The following MUC7 variants were observed in gnomAD, a reference collection of about 807,000 sequenced individuals.
The protein encoded by MUC7 is mucin-7.
Under a neutral mutation model 2.5 loss-of-function variants are expected in MUC7, and 2 were observed. That is an observed-to-expected ratio of 0.81 (90% CI 0.33 to 2.55). The LOEUF is 2.55. Ranked by LOEUF, MUC7 falls within the 30% of genes most tolerant of loss-of-function variation. The pLI is 0.11. For synonymous variants in MUC7, 133 were observed against 173.4 expected, an observed-to-expected ratio of 0.77 and a Z score of 1.83; for missense variants, 408 against 455.6, an observed-to-expected ratio of 0.90 and a Z score of 0.95.
chr4:70,470,037 A>T (rs571038476), upstream of MUC7, among the ~76,000 whole-genome samples: 1 of 152,378 alleles, frequency 6.6e-6, no homozygotes, highest in South Asian at 2.1e-4. Flanking sequence ...GACTGGATAA[A>T]GAAAATGTGG....
chr4:70,436,772 G>A (rs1275754951), intron 1 of MUC7, among the ~76,000 whole-genome samples: 1 of 152,146 alleles, frequency 6.6e-6, no homozygotes, highest in Non-Finnish European at 1.5e-5. Context: ...TGGAGGAAAA[G>A]AGGCGTTTTG....
At chr4:70,449,750 G>C (rs950706783) in intron 1 of MUC7, among the ~76,000 whole-genome samples, 2 of 152,146 alleles carry the variant, frequency 1.3e-5, no homozygotes, top group African/African-American at 2.4e-5. Context: ...GAATTCTCTG[G>C]ATTACCAGGC....
rs572677610 is a variant in MUC7, at chr4:70,476,495, G to C, written c.54+2420G>C. Among the ~76,000 whole-genome samples, 5 of 152,304 alleles carry C rather than the reference G, an allele frequency of 3.3e-5. No individual in the cohort carries two copies. The South Asian group carries it at 1.0e-3, about 32-fold the overall frequency. On this transcript the variant is annotated intron_variant, in intron 2 of 2. Coordinates refer to ENST00000304887, the MANE Select transcript of MUC7 (RefSeq NM_152291.3). ...TCAAAAAAGTGCCTGGTGAGAGAAA[G>C]AGTTTCCAAAGAACTTGAATATGAG...
chr4:70,437,502 C>A (rs1560544130), intron 1 of MUC7, among the ~76,000 whole-genome samples: 1 of 152,210 alleles, frequency 6.6e-6, no homozygotes, highest in Admixed American at 6.5e-5. Context: ...GCAAGCAAGG[C>A]TCCATGGGCG....
chr4:70,432,959 T>C lies in MUC7; in HGVS notation c.-93+2272T>C, dbSNP rs187739982. ...AGCTTTCTACATATGGCTAGCCAGT[T>C]TTCCCGACACCACTTATTACATAGG... On this transcript the variant is annotated intron_variant, in intron 1 of 3. Transcript: ENST00000413702. Among the ~76,000 whole-genome samples, 3 of 152,362 alleles carry C rather than the reference T, an allele frequency of 2.0e-5. No homozygotes were observed. In the East Asian group the frequency reaches 5.8e-4, roughly 29 times the overall value.
At chr4:70,451,213 T>C (rs1734271752) in intron 1 of MUC7, among the ~76,000 whole-genome samples, 2 of 152,202 alleles carry the variant, frequency 1.3e-5, no homozygotes, top group Non-Finnish European at 1.5e-5. Flanking sequence ...CTAGTTTTTC[T>C]TTCTGCTCTA....
intron 1 of MUC7, among the ~76,000 whole-genome samples, chr4:70,459,034 AGC>A (rs1734481258): frequency 2.0e-5 from 3 of 152,172 alleles, no homozygotes; most frequent in Non-Finnish European, 4.4e-5. Flanking sequence ...TGAAATATAA[AGC>A]AGTATTATAA....
chr4:70,465,039 T>A (rs1275664678), intron 1 of MUC7, among the ~76,000 whole-genome samples: 2 of 152,186 alleles, frequency 1.3e-5, no homozygotes, highest in Non-Finnish European at 1.5e-5. Context: ...GGGATGAAGC[T>A]TCCAGATGAA....
At chr4:70,463,121 C>A (rs1333634010) in intron 1 of MUC7, among the ~76,000 whole-genome samples, 3 of 152,138 alleles carry the variant, frequency 2.0e-5, no homozygotes, top group Non-Finnish European at 4.4e-5. Flanking sequence ...TAGACCCTCT[C>A]TCTGCAAAGA....
intron 1 of MUC7, among the ~76,000 whole-genome samples, chr4:70,440,931 T>A (rs1247474102): frequency 6.6e-6 from 1 of 152,006 alleles, no homozygotes; most frequent in Non-Finnish European, 1.5e-5. Context: ...ACATAAACAG[T>A]GGGCCCAGGA....
chr4:70,480,770 A>T (rs1395314046), intron 2 of MUC7, 29 bp from the exon 3 acceptor site: 18 of 1,593,958 alleles, frequency 1.1e-5, no homozygotes, highest in Admixed American at 1.1e-4. Context: ...TACTTTTTTC[A>T]TTTCTTACAT....
chr4:70,438,038 G>A (rs919465322), intron 1 of MUC7, among the ~76,000 whole-genome samples: 49 of 152,148 alleles, frequency 3.2e-4, no homozygotes, highest in African/African-American at 1.2e-3. Flanking sequence ...TCCAGGCCTG[G>A]TTGTTTTTGA....
chr4:70,472,746 A>G (rs750609356), intron 1 of MUC7, among the ~76,000 whole-genome samples: 1 of 152,200 alleles, frequency 6.6e-6, no homozygotes, highest in African/African-American at 2.4e-5. Context: ...GTCACACAGT[A>G]AGTGGGCAGA....
At chr4:70,435,653 T>C (rs565866878) in intron 1 of MUC7, among the ~76,000 whole-genome samples, 3 of 114,774 alleles carry the variant, frequency 2.6e-5, no homozygotes, top group Non-Finnish European at 3.6e-5. Flanking sequence ...TGACTCTTTA[T>C]CCCATTTGCC....
chr4:70,455,238 G>T (rs1021052590), intron 1 of MUC7, among the ~76,000 whole-genome samples: 5 of 152,270 alleles, frequency 3.3e-5, no homozygotes, highest in African/African-American at 4.8e-5. Context: ...ACAGCAAAAA[G>T]TACAAAGGTA....
chr4:70,474,347 A>C (rs1374457136), intron 2 of MUC7, among the ~76,000 whole-genome samples: 1 of 151,768 alleles, frequency 6.6e-6, no homozygotes, highest in African/African-American at 2.4e-5. Context: ...GTATCTCCAC[A>C]ACAACAACAA....
At chr4:70,470,693 A>G (rs529838595), upstream of MUC7, among the ~76,000 whole-genome samples, 1 of 152,332 alleles carries the variant, frequency 6.6e-6, no homozygotes, top group South Asian at 2.1e-4. Flanking sequence ...GCTTGTTCAG[A>G]TCAATAAAAA....
In MUC7 at chr4:70,450,943, C is replaced by T. The variant is rs377468435; in HGVS notation, c.-93+20256C>T. 8.5e-4 allele frequency among the ~76,000 whole-genome samples: 130 copies of T among 152,254 alleles called. 2 individuals are homozygous for T. The highest frequency in any genetic ancestry group is 3.0e-3 in the African/African-American group (124 of 41,556). On this transcript the variant is annotated intron_variant, in intron 1 of 3. Transcript: ENST00000413702. ...AGGAGTGATGCCAGCACTTCCTTGG[C>T]TGACCCAGCTGGTGTTTCAGTATGT...
chr4:70,448,099 T>A (rs1450164057), intron 1 of MUC7, among the ~76,000 whole-genome samples: 1 of 152,204 alleles, frequency 6.6e-6, no homozygotes, highest in East Asian at 1.9e-4. Flanking sequence ...GTTCCACCCA[T>A]ATTGTTACAA....
Sources: allele counts gnomAD v4.1 joint callset (sites outside exome capture counted in the v4.1 genomes callset), GRCh38; gene constraint gnomAD v4.1.1; transcripts MANE v1.5; gene names NCBI Gene and HGNC (gene_info 2026-07-23, HGNC 2026-07-21).